The following SDK1 variants were observed in gnomAD, a reference collection of about 807,000 sequenced individuals.
SDK1 encodes the protein protein sidekick-1.
Under a neutral mutation model 245.5 loss-of-function variants are expected in SDK1, and 157 were observed. That is an observed-to-expected ratio of 0.64 (90% CI 0.56 to 0.73). The LOEUF (loss-of-function observed/expected upper bound fraction) is 0.73. Among genes scored for constraint, SDK1 ranks in the 30% least tolerant of loss-of-function variants. The probability of loss-of-function intolerance (pLI) is 0.00; values close to 1 mark genes in which losing one functional copy is unlikely to be tolerated. For missense variants in SDK1, 3,583 were observed against 3,002.3 expected, an observed-to-expected ratio of 1.19 and a Z score of -4.52; for synonymous variants, 1,647 against 1,278.5, an observed-to-expected ratio of 1.29 and a Z score of -6.15.
At chr7:3,958,566 T>C (rs2128128288) in intron 7 of SDK1, among the ~76,000 whole-genome samples, 1 of 152,326 alleles carries the variant, frequency 6.6e-6, no homozygotes, top group East Asian at 1.9e-4. Context: ...TTGACAAGCT[T>C]CACGAGCTCG....
At chr7:3,354,978 G>A (rs1780753901) in intron 1 of SDK1, among the ~76,000 whole-genome samples, 1 of 152,058 alleles carries the variant, frequency 6.6e-6, no homozygotes, top group African/African-American at 2.4e-5. Flanking sequence ...TGTGTCTGTG[G>A]GGAAGCTCTA....
chr7:3,644,247 A>G (rs924615686), intron 4 of SDK1, among the ~76,000 whole-genome samples: 1 of 145,306 alleles, frequency 6.9e-6, no homozygotes, highest in Non-Finnish European at 1.5e-5. Context: ...AAAAATTTAT[A>G]TATATATATA....
chr7:3,690,912 C>T (rs1784422618), intron 4 of SDK1, among the ~76,000 whole-genome samples: 1 of 152,108 alleles, frequency 6.6e-6, no homozygotes, highest in African/African-American at 2.4e-5. Flanking sequence ...CATATTATAG[C>T]CTGGATGTCT....
chr7:4,019,508 G>T (rs1475211675), intron 17 of SDK1, among the ~76,000 whole-genome samples: 1 of 152,110 alleles, frequency 6.6e-6, no homozygotes, highest in African/African-American at 2.4e-5. Flanking sequence ...TCTGGATGGG[G>T]AAATTACTAA....
At chr7:4,086,088 G>A (rs1292963474) in intron 22 of SDK1, among the ~76,000 whole-genome samples, 2 of 151,978 alleles carry the variant, frequency 1.3e-5, no homozygotes, top group Non-Finnish European at 2.9e-5. Context: ...GCGTATATGT[G>A]TACTTCCTCT....
At chr7:3,420,850 A>G (rs892856920) in intron 1 of SDK1, among the ~76,000 whole-genome samples, 2 of 152,136 alleles carry the variant, frequency 1.3e-5, no homozygotes, top group African/African-American at 4.8e-5. Context: ...CGATTAACCC[A>G]TCACCAAGTA....
chr7:4,033,389 A>G (rs1385541095), intron 17 of SDK1, among the ~76,000 whole-genome samples: 1 of 152,206 alleles, frequency 6.6e-6, no homozygotes, highest in Non-Finnish European at 1.5e-5. Flanking sequence ...TAGTCTCTCT[A>G]ACCTGGAAGT....
chr7:4,215,860 C>T (rs1331324260), intron 38 of SDK1, among the ~76,000 whole-genome samples: 1 of 152,166 alleles, frequency 6.6e-6, no homozygotes, highest in Non-Finnish European at 1.5e-5. Context: ...CTGCTCCACT[C>T]CTCACCGTGG....
intron 42 of SDK1, among the ~76,000 whole-genome samples, chr7:4,240,267 G>A (rs1430484317): frequency 6.6e-6 from 1 of 152,120 alleles, no homozygotes; most frequent in Non-Finnish European, 1.5e-5. Context: ...GCACCCTGGA[G>A]TGTTAATTTA....
intron 4 of SDK1, among the ~76,000 whole-genome samples, chr7:3,784,207 C>T (rs1389169343): frequency 6.6e-6 from 1 of 151,804 alleles, no homozygotes; most frequent in Non-Finnish European, 1.5e-5. Context: ...GCATGACCCC[C>T]ATGCCTGGCC....
chr7:3,408,851 G>A (rs1417082112), intron 1 of SDK1, among the ~76,000 whole-genome samples: 4 of 152,168 alleles, frequency 2.6e-5, no homozygotes, highest in African/African-American at 4.8e-5. Flanking sequence ...TAAAATAGCA[G>A]TGCTACTTCT....
rs536946845 is a variant in SDK1, at chr7:3,574,363, G to A, written c.299-44717G>A. 3.5e-4 allele frequency among the ~76,000 whole-genome samples: 53 copies of A among 152,036 alleles called. No homozygotes were observed. The Middle Eastern group carries it at 0.017, about 49-fold the overall frequency. On this transcript the variant is annotated intron_variant, in intron 1 of 44. Coordinates refer to ENST00000404826, the MANE Select transcript of SDK1 (RefSeq NM_152744.4). ...GAACTCCTGACCTCATGATTCGCCC[G>A]CCTCAGCTTCCCAAAGTGCTGGGAT...
chr7:3,929,821 A>G (rs1371092918), intron 5 of SDK1, among the ~76,000 whole-genome samples: 1 of 152,040 alleles, frequency 6.6e-6, no homozygotes, highest in African/African-American at 2.4e-5. Flanking sequence ...GGAATACCTG[A>G]GGCTGGTAAT....
intron 4 of SDK1, among the ~76,000 whole-genome samples, chr7:3,662,975 A>G (rs560996770): frequency 1.3e-5 from 2 of 152,318 alleles, no homozygotes; most frequent in African/African-American, 2.4e-5. Flanking sequence ...AACCTGTAAT[A>G]TGTATTATGT....
intron 5 of SDK1, among the ~76,000 whole-genome samples, chr7:3,903,108 G>A (rs549932589): frequency 6.6e-6 from 1 of 151,636 alleles, no homozygotes; most frequent in Admixed American, 6.6e-5. Flanking sequence ...TAGGATGACA[G>A]GTTTTTTAGT....
At chr7:4,015,507 A>AG (rs2128151224) in intron 16 of SDK1, among the ~76,000 whole-genome samples, 1 of 152,292 alleles carries the variant, frequency 6.6e-6, no homozygotes, top group East Asian at 1.9e-4. Flanking sequence ...GTAAGTGGAA[A>AG]TACCTGTCAC....
Position 3,723,437 on chromosome 7 carries a change from C to T in SDK1, c.713+81332C>T, listed in dbSNP as rs190915928. On this transcript the variant is annotated intron_variant, in intron 4 of 44. Coordinates refer to ENST00000404826, the MANE Select transcript of SDK1 (RefSeq NM_152744.4). ...TCTTGATGACTTAATAAGGGGATCT[C>T]CCTGTGGATGGGGTAAGTTAAAAGA... Among the ~76,000 whole-genome samples, 757 of 152,198 alleles carry T rather than the reference C, an allele frequency of 5.0e-3. 4 individuals carry two copies. The highest frequency in any genetic ancestry group is 7.8e-3 in the Non-Finnish European group (533 of 67,996).
intron 5 of SDK1, among the ~76,000 whole-genome samples, chr7:3,946,966 C>T (rs1409031407): frequency 6.6e-6 from 1 of 152,220 alleles, no homozygotes; most frequent in African/African-American, 2.4e-5. Flanking sequence ...AACTCCGTGT[C>T]TTAACAATAT....
chr7:3,910,065 G>T (rs1250777598), intron 5 of SDK1, among the ~76,000 whole-genome samples: 1 of 152,206 alleles, frequency 6.6e-6, no homozygotes, highest in Non-Finnish European at 1.5e-5. Context: ...GGCTGATGTG[G>T]AATCATTGTG....
Sources: allele counts gnomAD v4.1 joint callset (sites outside exome capture counted in the v4.1 genomes callset), GRCh38; gene constraint gnomAD v4.1.1; transcripts MANE v1.5; gene names NCBI Gene and HGNC (gene_info 2026-07-23, HGNC 2026-07-21).